HNF4A: variants seen among roughly 807,000 people sequenced by gnomAD.
The protein encoded by HNF4A is hepatocyte nuclear factor 4 alpha.
In HNF4A, 15 loss-of-function variants were observed where a neutral mutation model predicts 52.4. The observed-to-expected ratio is 0.29, with a 90% CI of 0.19 to 0.44. The LOEUF is 0.44. Among genes scored for constraint, HNF4A ranks in the 20% least tolerant of loss-of-function variants. The probability of loss-of-function intolerance (pLI) is 1.00; values close to 1 mark genes in which losing one functional copy is unlikely to be tolerated. For missense variants in HNF4A, 479 were observed against 647.2 expected (o/e 0.74, Z 2.82); for synonymous variants, 280 against 264.4 (o/e 1.06, Z -0.57).
intron 5 of HNF4A, 112 bp downstream of exon 5, chr20:44,414,774 C>A (rs2055320730): frequency 1.9e-6 from 2 of 1,050,902 alleles, no homozygotes; most frequent in South Asian, 1.4e-5. Context: ...TTTTATTTAA[C>A]AAAATATGTA....
intron 1 of HNF4A, chr20:44,401,519 A>G (rs763093420): frequency 4.3e-6 from 7 of 1,613,674 alleles, no homozygotes; most frequent in Admixed American, 3.3e-5. Context: ...CAGGTGTGCC[A>G]GTGGGGGCAG....
chr20:44,429,680 T>C lies in HNF4A; in HGVS notation c.*15T>C, dbSNP rs774946064. 6.2e-7 allele frequency: 1 copy of C among 1,613,850 alleles called. No individual in the cohort carries two copies. Among genetic ancestry groups the C allele is most frequent in the Non-Finnish European group, 8.5e-7 (1 of 1,179,858 alleles). On this transcript the variant is annotated 3_prime_UTR_variant, in exon 10 of 10. Coordinates refer to ENST00000316099, the MANE Select transcript of HNF4A (RefSeq NM_000457.6). ...AAGTTATCTAGCAAGCCGCTGGGGC[T>C]TGGGGGCTCCACTGGCTCCCCCCAG...
upstream of HNF4A, among the ~76,000 whole-genome samples, chr20:44,398,368 G>A (rs1025148286): frequency 6.6e-6 from 1 of 152,196 alleles, no homozygotes; most frequent in Non-Finnish European, 1.5e-5. Context: ...AATCCACAAA[G>A]ATTCTGGGCA....
At chr20:44,418,625 G>T in intron 6 of HNF4A, 113 bp downstream of exon 6, 1 of 802,458 alleles carries the variant, frequency 1.2e-6, no homozygotes, top group South Asian at 1.5e-5. Context: ...AGACTAGTCA[G>T]GAGTGGCCCT....
chr20:44,426,576 G>A (rs1288251070), intron 8 of HNF4A, among the ~76,000 whole-genome samples: 1 of 152,076 alleles, frequency 6.6e-6, no homozygotes, highest in Admixed American at 6.6e-5. Context: ...GGCCGAGGCG[G>A]GTGGATCACT....
chr20:44,383,680 A>T (rs6073424), intron 1 of HNF4A, among the ~76,000 whole-genome samples: 110,204 of 151,086 alleles, frequency 0.73, 41,065 homozygotes, highest in African/African-American at 0.88. Context: ...GCCTCCCAAG[A>T]GGCTGGGATA....
At chr20:44,381,161 T>C (rs1311648566) in intron 1 of HNF4A, among the ~76,000 whole-genome samples, 1 of 152,222 alleles carries the variant, frequency 6.6e-6, no homozygotes, top group Admixed American at 6.5e-5. Flanking sequence ...CAGCTTTTCC[T>C]GTGGTAGAAC....
At chr20:44,358,865 G>A in intron 1 of HNF4A, among the ~76,000 whole-genome samples, 1 of 152,114 alleles carries the variant, frequency 6.6e-6, no homozygotes, top group Non-Finnish European at 1.5e-5. Flanking sequence ...AATCCTCGTT[G>A]TGGTTTCATG....
At chr20:44,427,600 T>C (rs909731354) in intron 8 of HNF4A, among the ~76,000 whole-genome samples, 1 of 152,212 alleles carries the variant, frequency 6.6e-6, no homozygotes, top group African/African-American at 2.4e-5. Context: ...CTCCCTGACA[T>C]ATGTTTGAAG....
chr20:44,393,684 A>G (rs2063327039), intron 1 of HNF4A, among the ~76,000 whole-genome samples: 1 of 151,956 alleles, frequency 6.6e-6, no homozygotes, highest in African/African-American at 2.4e-5. Context: ...AGCTCCTAAA[A>G]CAGCTGCATA....
chr20:44,428,247 G>T (rs1012057398), intron 8 of HNF4A, 88 bp from the exon 9 acceptor site: 15 of 1,392,992 alleles, frequency 1.1e-5, no homozygotes, highest in Non-Finnish European at 1.3e-5. Flanking sequence ...TGGGCTGGTT[G>T]ATTGGCCACG....
intron 2 of HNF4A, 110 bp downstream of exon 2, chr20:44,406,342 G>A (rs2063500550): frequency 4.5e-6 from 4 of 884,966 alleles, no homozygotes; most frequent in Non-Finnish European, 7.2e-6. Flanking sequence ...GCCCTTCAGG[G>A]CCTTCAAGGC....
At chr20:44,413,856 ACCT>A (rs2146413338) in intron 4 of HNF4A, 56 bp downstream of exon 4, 1 of 1,111,136 alleles carries the variant, frequency 9.0e-7, no homozygotes, top group African/African-American at 1.5e-5. Context: ...AGAGGAGCTC[ACCT>A]CCTCCACCTC....
intron 3 of HNF4A, among the ~76,000 whole-genome samples, chr20:44,410,284 A>G (rs1418868104): frequency 6.6e-6 from 1 of 152,154 alleles, no homozygotes; most frequent in Non-Finnish European, 1.5e-5. Context: ...TGCCCGGAGG[A>G]TAGGAGAGTT....
At chr20:44,418,384 C>T (rs771153594) in intron 5 of HNF4A, 41 bp from the exon 6 acceptor site, 16 of 1,568,538 alleles carry the variant, frequency 1.0e-5, no homozygotes, top group Non-Finnish European at 1.3e-5. Context: ...GCAGCCTTCC[C>T]AAGGGTACAG....
intron 1 of HNF4A, among the ~76,000 whole-genome samples, chr20:44,385,341 C>A (rs2063210011): frequency 6.6e-6 from 1 of 151,816 alleles, no homozygotes; most frequent in Admixed American, 6.6e-5. Context: ...ACACTTGGGC[C>A]AGGTGCTCCA....
chr20:44,369,147 G>T (rs570925578), intron 1 of HNF4A, among the ~76,000 whole-genome samples: 104 of 150,186 alleles, frequency 6.9e-4, no homozygotes, highest in African/African-American at 2.4e-3. Flanking sequence ...TACTGTGGAG[G>T]CTGAGGCAGG....
chr20:44,398,090 A>T (rs547544864), upstream of HNF4A, among the ~76,000 whole-genome samples: 11 of 152,224 alleles, frequency 7.2e-5, no homozygotes, highest in African/African-American at 2.7e-4. Flanking sequence ...TGGTACCCCA[A>T]TGAAAACATT....
intron 1 of HNF4A, among the ~76,000 whole-genome samples, chr20:44,366,698 C>A (rs541798852): frequency 6.6e-6 from 1 of 152,102 alleles, no homozygotes; most frequent in South Asian, 2.1e-4. Context: ...TGTAGGTAGT[C>A]CACAAACACT....
Sources: allele counts gnomAD v4.1 joint callset (sites outside exome capture counted in the v4.1 genomes callset), GRCh38; gene constraint gnomAD v4.1.1; transcripts MANE v1.5; gene names NCBI Gene and HGNC (gene_info 2026-07-23, HGNC 2026-07-21).